The following FNBP1 variants were observed in gnomAD, a reference collection of about 807,000 sequenced individuals.
FNBP1 encodes the protein formin-binding protein 1.
In FNBP1, 26 loss-of-function variants were observed where a neutral mutation model predicts 90.6. The observed-to-expected ratio is 0.29, with a 90% CI of 0.21 to 0.40. FNBP1 has a LOEUF of 0.40. FNBP1 is among the 10% of genes least tolerant of loss of function. The pLI is 1.00. For synonymous variants in FNBP1, 260 were observed against 265.2 expected (o/e 0.98, Z 0.19); for missense variants, 635 against 768.0 (o/e 0.83, Z 2.05).
Position 129,890,350 on chromosome 9 carries a change from C to T in FNBP1, c.*189G>A. ...GGGCGCTGGCGAGACTTGTCCCCCA[C>T]GAGGTGGCCCGGGCTGGGCGGGAGG... On this transcript the variant is annotated 3_prime_UTR_variant, in exon 17 of 17. Coordinates refer to ENST00000446176, the MANE Select transcript of FNBP1 (RefSeq NM_015033.3). This position sits in a 1 kb window ranked among gnomAD's most constrained non-coding sequence, Gnocchi z 5.8. 3.4e-6 allele frequency: 2 copies of T among 596,970 alleles called. No homozygotes were observed. The highest frequency in any genetic ancestry group is 4.1e-5 in the South Asian group (2 of 49,238). 37.0% of individuals were successfully genotyped at this position (596,970 alleles called of 1,614,324 possible). A position where few individuals can be genotyped will look rare whatever the true frequency, so the allele number is the denominator to read the frequency against.
upstream of FNBP1, among the ~76,000 whole-genome samples, chr9:130,046,668 T>A (rs1397257943): frequency 6.8e-6 from 1 of 147,480 alleles, no homozygotes; most frequent in African/African-American, 2.5e-5. Context: ...CTTGGGAGAC[T>A]GAGGCAAGAG....
At chr9:129,937,426 A>G (rs183388583) in intron 6 of FNBP1, among the ~76,000 whole-genome samples, 213 of 152,254 alleles carry the variant, frequency 1.4e-3, no homozygotes, top group Middle Eastern at 3.4e-3. Context: ...AAATGTATAT[A>G]TAACTTTTAA....
intron 1 of FNBP1, among the ~76,000 whole-genome samples, chr9:130,003,960 C>T (rs2055272312): frequency 1.4e-5 from 2 of 147,506 alleles, no homozygotes; most frequent in Non-Finnish European, 3.0e-5. Flanking sequence ...CTATTTTTTG[C>T]TCAAATTATG....
At chr9:129,914,783 A>C (rs960518381) in intron 11 of FNBP1, 1 of 151,042 alleles carries the variant, frequency 6.6e-6, no homozygotes, top group Non-Finnish European at 1.4e-5. Context: ...ATATATATAT[A>C]TATATATATA....
rs1256345837 is a variant in FNBP1 at position 129,952,183 on chromosome 9, C to A, written c.513+5177G>T. 2.0e-5 allele frequency among the ~76,000 whole-genome samples: 3 copies of A among 151,820 alleles called. No individual in the cohort carries two copies. In the East Asian group the frequency reaches 5.8e-4, roughly 30 times the overall value. On this transcript the variant is annotated intron_variant, in intron 6 of 16. Transcript: ENST00000446176. ...CTCCAGCCTGGGCAACAGAGCGAGA[C>A]TCTATTTCAAAACAAAAAAACAAAA...
At chr9:130,018,277 A>G (rs1437979725) in intron 1 of FNBP1, among the ~76,000 whole-genome samples, 1 of 151,774 alleles carries the variant, frequency 6.6e-6, no homozygotes, top group East Asian at 1.9e-4. Context: ...GTGTATGTGT[A>G]TATATATATC....
At chr9:129,951,693 C>T (rs1454545710) in intron 6 of FNBP1, among the ~76,000 whole-genome samples, 1 of 151,916 alleles carries the variant, frequency 6.6e-6, no homozygotes, top group Non-Finnish European at 1.5e-5. Context: ...GATCCTCCCG[C>T]CTTGGCCTTC....
chr9:129,932,296 G>GAAAGA (rs374252096), intron 6 of FNBP1, among the ~76,000 whole-genome samples: 1 of 151,684 alleles, frequency 6.6e-6, no homozygotes, highest in Non-Finnish European at 1.5e-5. Flanking sequence ...AAGGAAGGAA[G>GAAAGA]AAAGAAAAGA....
chr9:129,943,724 A>G (rs10123660), intron 6 of FNBP1, among the ~76,000 whole-genome samples: 151,597 of 152,268 alleles, frequency 1, 75,467 homozygotes, highest in Middle Eastern at 1. Flanking sequence ...CGGGCACGGT[A>G]GCTGACGCCT....
intron 2 of FNBP1, among the ~76,000 whole-genome samples, chr9:129,992,425 T>C (rs2053317350): frequency 6.6e-6 from 1 of 152,164 alleles, no homozygotes; most frequent in Middle Eastern, 3.2e-3. Context: ...AATTATTTCA[T>C]TGTGTGATGT....
At chr9:129,905,294 G>GTGTATATATATA (rs374989661) in intron 12 of FNBP1, among the ~76,000 whole-genome samples, 5,437 of 132,172 alleles carry the variant, frequency 0.041, 148 homozygotes, top group Middle Eastern at 0.095. Flanking sequence ...GTGTGTGTGT[G>GTGTATATATATA]TATATATATA....
chr9:129,904,612 C>G lies in FNBP1; in HGVS notation c.1296-1611G>C, dbSNP rs544859223. 2.4e-4 allele frequency among the ~76,000 whole-genome samples: 37 copies of G among 152,334 alleles called. 2 individuals carry two copies. In the South Asian group the frequency reaches 7.7e-3, roughly 32 times the overall value. ...AGAAATAACAGGAAGAGAGCTTCTA[C>G]AAGTCCTCACCACCCTCCACCTAAG... On this transcript the variant is annotated intron_variant, in intron 12 of 16. Coordinates refer to ENST00000446176, the MANE Select transcript of FNBP1 (RefSeq NM_015033.3).
Position 130,042,607 on chromosome 9 carries a change from C to T in FNBP1, c.24+345G>A, listed in dbSNP as rs1451782095. ...TCCACGCCCCCACGCCCGGTCCCGG[C>T]CCTCCCCGGGCATCCGCGGCTCGCC... On this transcript the variant is annotated intron_variant, in intron 1 of 16. Coordinates refer to ENST00000446176, the MANE Select transcript of FNBP1 (RefSeq NM_015033.3). This position sits in a 1 kb window ranked among gnomAD's most constrained non-coding sequence, Gnocchi z 5.5. Among the ~76,000 whole-genome samples, 1 of 151,764 alleles carries T rather than the reference C, an allele frequency of 6.6e-6. No homozygotes were observed. Among genetic ancestry groups the T allele is most frequent in the African/African-American group, 2.4e-5 (1 of 41,396 alleles).
At chr9:129,936,804 G>GA (rs1465757023) in intron 6 of FNBP1, among the ~76,000 whole-genome samples, 1 of 152,092 alleles carries the variant, frequency 6.6e-6, no homozygotes, top group Admixed American at 6.6e-5. Context: ...TTTGAGAACA[G>GA]AAAAAATAGC....
intron 6 of FNBP1, among the ~76,000 whole-genome samples, chr9:129,940,310 T>C (rs948295945): frequency 6.6e-6 from 1 of 152,086 alleles, no homozygotes; most frequent in African/African-American, 2.4e-5. Context: ...AATAATAAGA[T>C]GCTCTAAATA....
chr9:129,928,043 C>T (rs1588616996), intron 7 of FNBP1, among the ~76,000 whole-genome samples: 2 of 152,298 alleles, frequency 1.3e-5, no homozygotes, highest in Middle Eastern at 6.8e-3. Flanking sequence ...CCAATACATG[C>T]TAGTGTATCT....
intron 2 of FNBP1, among the ~76,000 whole-genome samples, chr9:129,990,638 G>T (rs1360675954): frequency 2.6e-5 from 4 of 152,190 alleles, no homozygotes; most frequent in African/African-American, 9.6e-5. Flanking sequence ...ATGAAATGGG[G>T]ACGCACTGGA....
intron 6 of FNBP1, among the ~76,000 whole-genome samples, chr9:129,937,423 T>C (rs116624457): frequency 0.034 from 5,201 of 152,272 alleles, 158 homozygotes; most frequent in African/African-American, 0.078. Flanking sequence ...AGTAAATGTA[T>C]ATATAACTTT....
intron 2 of FNBP1, among the ~76,000 whole-genome samples, chr9:129,992,617 G>A (rs1174425350): frequency 7.2e-6 from 1 of 139,196 alleles, no homozygotes; most frequent in Non-Finnish European, 1.5e-5. Flanking sequence ...GCAGTGGCGC[G>A]ATCTTGGCTC....
Sources: gnomAD v4.1 joint callset for allele counts (sites outside exome capture counted in the v4.1 genomes callset) on GRCh38, gnomAD v4.1.1 for gene constraint, Gnocchi (gnomAD v3.1) non-coding constraint, MANE v1.5 for transcripts, NCBI Gene and HGNC (gene_info 2026-07-23, HGNC 2026-07-21) for gene names.